Variants in MED15 observed in about 807,000 individuals in gnomAD.
MED15 encodes the protein mediator complex subunit 15.
A neutral mutation model predicts 118.7 loss-of-function variants in MED15; 41 were observed. The observed-to-expected ratio is 0.35, with a 90% confidence interval of 0.27 to 0.45. The LOEUF is 0.45. MED15 is among the 20% of genes least tolerant of loss of function. MED15 has a pLI of 1.00. For missense variants in MED15, 740 were observed against 1,025.5 expected, an observed-to-expected ratio of 0.72 and a Z score of 3.80; for synonymous variants, 436 against 413.9, an observed-to-expected ratio of 1.05 and a Z score of -0.65.
At chr22:20,520,643 C>T (rs1029716740) in intron 1 of MED15, among the ~76,000 whole-genome samples, 1 of 152,230 alleles carries the variant, frequency 6.6e-6, no homozygotes, top group African/African-American at 2.4e-5. Context: ...ACTGTTGATA[C>T]TCCCCAGATC....
intron 16 of MED15, 133 bp downstream of exon 16, chr22:20,585,400 C>T: frequency 1.7e-6 from 2 of 1,211,666 alleles, no homozygotes; most frequent in Non-Finnish European, 2.3e-6. Context: ...GCTGTCTGCT[C>T]TATCCTCACA....
At chr22:20,542,019 C>T (rs1193576869) in intron 2 of MED15, among the ~76,000 whole-genome samples, 1 of 152,056 alleles carries the variant, frequency 6.6e-6, no homozygotes, top group East Asian at 1.9e-4. Context: ...GTCTTGAACT[C>T]CTGACCTCAG....
At chr22:20,585,421 T>C (rs935780644) in intron 16 of MED15, 154 bp downstream of exon 16, 1 of 1,047,666 alleles carries the variant, frequency 9.5e-7, no homozygotes, top group African/African-American at 1.6e-5. Flanking sequence ...CACACCGGGC[T>C]CCAGACAGCC....
At chr22:20,584,225 G>C (rs1283279504) in intron 13 of MED15, 134 bp from the exon 14 acceptor site, 1 of 871,932 alleles carries the variant, frequency 1.1e-6, no homozygotes, top group African/African-American at 1.7e-5. Context: ...TCTGGGTCTG[G>C]GAACAGCTGG....
intron 9 of MED15, among the ~76,000 whole-genome samples, chr22:20,576,016 G>A (rs971721104): frequency 2.6e-5 from 4 of 152,142 alleles, no homozygotes; most frequent in Admixed American, 1.3e-4. Context: ...GTAGACTTCT[G>A]TGTACATTAT....
At chr22:20,542,931 A>G (rs181902018) in intron 2 of MED15, among the ~76,000 whole-genome samples, 50 of 152,272 alleles carry the variant, frequency 3.3e-4, no homozygotes, top group Admixed American at 9.2e-4. Context: ...TTGGCACTAG[A>G]AAAATTTGGA....
At chr22:20,515,658 C>T (rs747049757) in intron 1 of MED15, among the ~76,000 whole-genome samples, 6 of 151,354 alleles carry the variant, frequency 4.0e-5, no homozygotes, top group African/African-American at 1.5e-4. Flanking sequence ...GGCATGGTGG[C>T]GGGCACCTGT....
Position 20,516,497 on chromosome 22 carries a change from A to C in MED15, c.68+8751A>C, listed in dbSNP as rs554433927. On this transcript the variant is annotated intron_variant, in intron 1 of 17. Transcript: ENST00000263205. The stretch of plus-strand genomic sequence containing the variant: ...GCCTCTGCCAACCAGTACCCCCCAG[A>C]CCTTAACCCCCAGCCCTACCAGGTC... 4.0e-5 allele frequency among the ~76,000 whole-genome samples: 6 copies of C among 151,534 alleles called. No homozygotes were observed. The South Asian group carries it at 1.3e-3, about 32-fold the overall frequency.
intron 6 of MED15, among the ~76,000 whole-genome samples, chr22:20,565,973 T>G (rs1406661927): frequency 6.7e-6 from 1 of 148,958 alleles, no homozygotes; most frequent in Non-Finnish European, 1.5e-5. Context: ...AGCCTTTCTG[T>G]GGGAGATGTG....
chr22:20,525,352 A>G (rs1468879923), intron 1 of MED15, among the ~76,000 whole-genome samples: 2 of 151,354 alleles, frequency 1.3e-5, no homozygotes, highest in Non-Finnish European at 2.9e-5. Flanking sequence ...GCCCTGTCCC[A>G]CAGGCGTGGG....
At chr22:20,515,020 G>T (rs1287185376) in intron 1 of MED15, among the ~76,000 whole-genome samples, 1 of 152,208 alleles carries the variant, frequency 6.6e-6, no homozygotes, top group Non-Finnish European at 1.5e-5. Context: ...TAGGGGCCCT[G>T]TCTGTCCCTC....
Position 20,586,834 on chromosome 22 carries a change from T to C in MED15, c.*130T>C. The C allele has an allele frequency of 2.2e-6, 3 of 1,355,808 alleles. No homozygotes were observed. The highest frequency in any genetic ancestry group is 3.0e-6 in the Non-Finnish European group (3 of 1,009,422). The allele number at this position is 1,355,808 out of a possible 1,614,324, so 84.0% of individuals were successfully genotyped here. A position where few individuals can be genotyped will look rare whatever the true frequency, so the allele number is the denominator to read the frequency against. ...AGCTTTCCTGCTTTTATCTTCTGCC[T>C]TGGGGACCTGCCAAACGAAATCCCA... On this transcript the variant is annotated 3_prime_UTR_variant, in exon 18 of 18. Transcript: ENST00000263205.
At chr22:20,537,534 G>A (rs888012740) in intron 2 of MED15, among the ~76,000 whole-genome samples, 1 of 152,208 alleles carries the variant, frequency 6.6e-6, no homozygotes, top group Non-Finnish European at 1.5e-5. Context: ...CCGTGAGCAA[G>A]AACCTGGTTT....
intron 5 of MED15, 23 bp from the exon 6 acceptor site, chr22:20,564,427 T>G (rs1416163586): frequency 4.3e-6 from 7 of 1,613,108 alleles, no homozygotes; most frequent in African/African-American, 1.3e-5. Context: ...GTGGACTGAC[T>G]GGCGACTCTG....
At chr22:20,538,626 T>C (rs186088330) in intron 2 of MED15, among the ~76,000 whole-genome samples, 1 of 152,304 alleles carries the variant, frequency 6.6e-6, no homozygotes, top group East Asian at 1.9e-4. Flanking sequence ...CTACCACTTA[T>C]ACTTTCTACT....
chr22:20,580,750 T>C (rs2056956793), intron 9 of MED15, among the ~76,000 whole-genome samples: 1 of 152,234 alleles, frequency 6.6e-6, no homozygotes, highest in Non-Finnish European at 1.5e-5. Flanking sequence ...CTTACTCCTC[T>C]TCAGCTAGGG....
chr22:20,537,386 C>G (rs895953421), intron 2 of MED15, among the ~76,000 whole-genome samples, 182 bp downstream of exon 2: 2 of 152,158 alleles, frequency 1.3e-5, no homozygotes, highest in Non-Finnish European at 2.9e-5. Context: ...GTCCATGGTA[C>G]AGGGAGGGCA....
chr22:20,568,274 G>GTGT (rs373626439), intron 7 of MED15, among the ~76,000 whole-genome samples: 3 of 72 alleles, frequency 0.042, no homozygotes, highest in Non-Finnish European at 0.1. Context: ...GTCAGTGCTT[G>GTGT]TGATAGCTGG....
In MED15 at chr22:20,587,615, G is replaced by C. The variant is rs2057173053; in HGVS notation, c.*911G>C. 1 of 552,084 alleles carries C rather than the reference G, an allele frequency of 1.8e-6. No homozygotes were observed. The highest frequency in any genetic ancestry group is 3.6e-5 in the Admixed American group (1 of 27,738). 34.2% of individuals were successfully genotyped at this position (552,084 alleles called of 1,614,324 possible). A position where few individuals can be genotyped will look rare whatever the true frequency, so the allele number is the denominator to read the frequency against. Reference sequence around the variant, plus strand: ...TGATTATAATAAATTTATTATTCCTGTGTTTGTCAGTTGTTCATCACTGTG... The same window carrying C: ...TGATTATAATAAATTTATTATTCCTCTGTTTGTCAGTTGTTCATCACTGTG... On this transcript the variant is annotated 3_prime_UTR_variant, in exon 18 of 18. Coordinates refer to ENST00000263205, the MANE Select transcript of MED15 (RefSeq NM_001003891.3).
Sources: gnomAD v4.1 joint callset for allele counts (sites outside exome capture counted in the v4.1 genomes callset) on GRCh38, gnomAD v4.1.1 for gene constraint, MANE v1.5 for transcripts, NCBI Gene and HGNC (gene_info 2026-07-23, HGNC 2026-07-21) for gene names.